The following CAPZB variants were observed in gnomAD, a reference collection of about 807,000 sequenced individuals.
CAPZB encodes the protein F-actin-capping protein subunit beta.
CAPZB carries 2 observed loss-of-function variants against 38.1 expected under a neutral mutation model. The ratio of observed to expected loss-of-function variants is 0.05; its 90% CI spans 0.02 to 0.17. The LOEUF (loss-of-function observed/expected upper bound fraction) is 0.17. Among genes scored for constraint, CAPZB ranks in the 10% least tolerant of loss-of-function variants. The pLI is 1.00. For synonymous variants in CAPZB, 107 were observed against 127.4 expected, an observed-to-expected ratio of 0.84 and a Z score of 1.08; for missense variants, 161 against 334.2, an observed-to-expected ratio of 0.48 and a Z score of 4.04.
Position 19,458,099 on chromosome 1 carries a change from C to CAA in CAPZB, c.3+27335_3+27336dup, listed in dbSNP as rs58149759. On this transcript the variant is annotated intron_variant, in intron 1 of 8. Coordinates refer to ENST00000264202, the MANE Select transcript of CAPZB (RefSeq NM_004930.5). ...GTATATAAGAAATAAAAGGAGTTGCCAAAAAAAAAAAAAAAAACACTAAAC... is the reference window on the plus strand; with the variant it reads ...GTATATAAGAAATAAAAGGAGTTGCCAAAAAAAAAAAAAAAAAAACACTAAAC... Among the ~76,000 whole-genome samples, 782 of 128,752 alleles carry CAA rather than the reference C, an allele frequency of 6.1e-3. 21 individuals are homozygous for CAA. In the East Asian group the frequency reaches 0.075, roughly 12 times the overall value. The allele number at this position is 128,752 out of a possible 152,430, so 84.5% of individuals were successfully genotyped here.
intron 4 of CAPZB, among the ~76,000 whole-genome samples, chr1:19,359,374 T>TG: frequency 6.6e-6 from 1 of 152,210 alleles, no homozygotes; most frequent in East Asian, 1.9e-4. Flanking sequence ...GAGGGTGCCC[T>TG]GGCTGGTCTG....
intron 2 of CAPZB, among the ~76,000 whole-genome samples, chr1:19,399,610 A>G (rs1239879678): frequency 1.3e-5 from 2 of 152,134 alleles, no homozygotes; most frequent in African/African-American, 4.8e-5. Flanking sequence ...TCTGCAATGG[A>G]TGGTTCTCTG....
At chr1:19,424,602 T>C (rs2094415520) in intron 1 of CAPZB, 1 of 152,270 alleles carries the variant, frequency 6.6e-6, no homozygotes, top group African/African-American at 2.4e-5. Flanking sequence ...GGTCAAAAAA[T>C]ACAAGGAAGA....
chr1:19,423,978 A>G (rs2094412030), intron 1 of CAPZB, among the ~76,000 whole-genome samples: 1 of 151,118 alleles, frequency 6.6e-6, no homozygotes, highest in African/African-American at 2.4e-5. Flanking sequence ...TGCCCAGCCA[A>G]TTTTTCTATT....
intron 4 of CAPZB, among the ~76,000 whole-genome samples, chr1:19,377,033 T>A (rs1300818358): frequency 2.6e-5 from 4 of 152,266 alleles, no homozygotes; most frequent in Non-Finnish European, 4.4e-5. Flanking sequence ...TGGCCACTGG[T>A]AACTGTTATC....
At chr1:19,412,789 GACAA>G (rs1558239222) in intron 2 of CAPZB, among the ~76,000 whole-genome samples, 1 of 152,244 alleles carries the variant, frequency 6.6e-6, no homozygotes, top group African/African-American at 2.4e-5. Context: ...TGCAGAAGTG[GACAA>G]ACATTTACTG....
Position 19,385,639 on chromosome 1 carries a change from A to G in CAPZB, c.94-13T>C. 6.2e-7 allele frequency: 1 copy of G among 1,614,206 alleles called. No individual in the cohort carries two copies. Among genetic ancestry groups the G allele is most frequent in the Non-Finnish European group, 8.5e-7 (1 of 1,180,014 alleles). On this transcript the variant is annotated splice_polypyrimidine_tract_variant and intron_variant, in intron 2 of 8. Transcript: ENST00000264202. ...ATAGACTGGGGACCTGGCAGAGAGA[A>G]AGGACAAGGTCGAAACAGAGGTTAA...
chr1:19,411,536 A>AAC (rs766568174), intron 2 of CAPZB, among the ~76,000 whole-genome samples: 100 of 152,290 alleles, frequency 6.6e-4, no homozygotes, highest in Non-Finnish European at 1.2e-3. Context: ...CTCCCCAAGG[A>AAC]ACACACACAC....
intron 1 of CAPZB, among the ~76,000 whole-genome samples, chr1:19,427,738 C>A (rs1041210390): frequency 6.6e-6 from 1 of 152,224 alleles, no homozygotes; most frequent in African/African-American, 2.4e-5. Flanking sequence ...CACGAATACT[C>A]CTTGGATGAC....
At chr1:19,414,233 C>T (rs184321956) in intron 2 of CAPZB, among the ~76,000 whole-genome samples, 349 of 152,270 alleles carry the variant, frequency 2.3e-3, no homozygotes, top group African/African-American at 6.9e-3. Flanking sequence ...GGTGGCGATG[C>T]GGGGGTGACA....
chr1:19,416,349 G>C (rs1450487896), intron 2 of CAPZB, among the ~76,000 whole-genome samples: 3 of 152,128 alleles, frequency 2.0e-5, no homozygotes, highest in Non-Finnish European at 4.4e-5. Context: ...TGGCAAGCAG[G>C]AGAAACCAGA....
rs567779917 is a variant in CAPZB, at chr1:19,339,467, C to T, written c.*63G>A. 77 of 1,270,386 alleles carry T rather than the reference C, an allele frequency of 6.1e-5. No homozygotes were observed. The Middle Eastern group carries it at 7.4e-4, about 12-fold the overall frequency. The allele number at this position is 1,270,386 out of a possible 1,614,324, so 78.7% of individuals were successfully genotyped here. ...AGGGACGAGGGAAGGGAGCAGAAAACGAGTTTTCTAAGAAAGGAATCTAAC... is the reference window on the plus strand; with the variant it reads ...AGGGACGAGGGAAGGGAGCAGAAAATGAGTTTTCTAAGAAAGGAATCTAAC... On this transcript the variant is annotated 3_prime_UTR_variant, in exon 9 of 9. Transcript: ENST00000264202.
chr1:19,376,694 C>G (rs2094146270), intron 4 of CAPZB, among the ~76,000 whole-genome samples: 1 of 152,226 alleles, frequency 6.6e-6, no homozygotes. Flanking sequence ...ATGACTTGTT[C>G]ACTGGTCCAC....
intron 4 of CAPZB, among the ~76,000 whole-genome samples, chr1:19,365,948 T>TA (rs376354352): frequency 4.5e-4 from 69 of 152,222 alleles, no homozygotes; most frequent in African/African-American, 1.6e-3. Flanking sequence ...GAGCTCAGGC[T>TA]AAAAAATTTG....
At chr1:19,465,782 A>G (rs2094566832) in intron 1 of CAPZB, among the ~76,000 whole-genome samples, 1 of 152,158 alleles carries the variant, frequency 6.6e-6, no homozygotes, top group Non-Finnish European at 1.5e-5. Flanking sequence ...GGCTCATGTG[A>G]TAAAGACAAG....
intron 1 of CAPZB, among the ~76,000 whole-genome samples, chr1:19,451,271 G>A (rs923506333): frequency 6.6e-6 from 1 of 152,194 alleles, no homozygotes; most frequent in Non-Finnish European, 1.5e-5. Context: ...CCCACCATGG[G>A]TCTGGGGACT....
intron 6 of CAPZB, among the ~76,000 whole-genome samples, chr1:19,349,215 CA>C (rs1297245994): frequency 1.3e-5 from 2 of 152,086 alleles, no homozygotes; most frequent in Non-Finnish European, 2.9e-5. Flanking sequence ...CACCCAGCTT[CA>C]AAAAGAACTT....
intron 1 of CAPZB, among the ~76,000 whole-genome samples, chr1:19,468,461 A>G (rs909425025): frequency 6.6e-6 from 1 of 152,156 alleles, no homozygotes; most frequent in African/African-American, 2.4e-5. Context: ...AAGGCCTGGA[A>G]CATAGGAGGC....
At chr1:19,473,702 A>G (rs2094597419) in intron 1 of CAPZB, among the ~76,000 whole-genome samples, 1 of 152,118 alleles carries the variant, frequency 6.6e-6, no homozygotes, top group Non-Finnish European at 1.5e-5. Context: ...CATCTCTACT[A>G]AAAATACAAA....
Sources: gnomAD v4.1 joint callset for allele counts (sites outside exome capture counted in the v4.1 genomes callset) on GRCh38, gnomAD v4.1.1 for gene constraint, MANE v1.5 for transcripts, NCBI Gene and HGNC (gene_info 2026-07-23, HGNC 2026-07-21) for gene names.